MKRN2: variants seen among roughly 807,000 people sequenced by gnomAD.
MKRN2 encodes the protein E3 ubiquitin-protein ligase makorin-2.
A neutral mutation model predicts 45.4 loss-of-function variants in MKRN2; 32 were observed. The ratio of observed to expected loss-of-function variants is 0.70; its 90% confidence interval spans 0.53 to 0.95. The LOEUF is 0.95. MKRN2 is among the 40% of genes least tolerant of loss of function. The pLI, the probability that MKRN2 is intolerant of heterozygous loss-of-function variation, is 0.00. For missense variants in MKRN2, 526 were observed against 536.7 expected (o/e 0.98, Z 0.20); for synonymous variants, 206 against 192.4 (o/e 1.07, Z -0.59).
chr3:12,575,627 T>C (rs184833205), intron 5 of MKRN2, among the ~76,000 whole-genome samples: 32 of 152,226 alleles, frequency 2.1e-4, no homozygotes, highest in Admixed American at 4.6e-4. Context: ...AGGCCTGGGG[T>C]GCGGGGGTCA....
chr3:12,580,448 AC>A (rs1553609012), intron 6 of MKRN2, among the ~76,000 whole-genome samples: 10 of 57,182 alleles, frequency 1.7e-4, no homozygotes, highest in African/African-American at 5.5e-4. Context: ...CCCCCACCCT[AC>A]CCCCCCGCCA....
chr3:12,583,640 T>C lies in MKRN2; in HGVS notation c.*1387T>C. On this transcript the variant is annotated 3_prime_UTR_variant, in exon 8 of 8. Transcript: ENST00000170447. ...AATTTATTTTATTAAAATAACATAA[T>C]TGAGGGACCATCAGATAACTGTATT... The C allele has an allele frequency of 4.3e-6, 1 of 232,864 alleles. No individual in the cohort carries two copies. The highest frequency in any genetic ancestry group is 6.1e-5 in the East Asian group (1 of 16,514). 14.4% of individuals were successfully genotyped at this position (232,864 alleles called of 1,614,324 possible).
intron 4 of MKRN2, 123 bp downstream of exon 4, chr3:12,572,496 T>C (rs901628770): frequency 1.3e-4 from 116 of 887,562 alleles, no homozygotes; most frequent in Non-Finnish European, 1.5e-4. Context: ...GAATTGTTGG[T>C]ATTTCCACAG....
chr3:12,569,230 C>G (rs1382476359), intron 2 of MKRN2, among the ~76,000 whole-genome samples: 2 of 133,896 alleles, frequency 1.5e-5, no homozygotes, highest in Non-Finnish European at 3.1e-5. Context: ...GGTGCGATCT[C>G]AGTTCTCTGC....
intron 1 of MKRN2, among the ~76,000 whole-genome samples, chr3:12,566,015 G>A (rs1031276374): frequency 2.0e-5 from 3 of 151,852 alleles, no homozygotes; most frequent in Non-Finnish European, 4.4e-5. Flanking sequence ...CATCATGCAC[G>A]GCTGATTTTT....
At chr3:12,565,441 A>G (rs1437992455) in intron 1 of MKRN2, among the ~76,000 whole-genome samples, 4 of 150,886 alleles carry the variant, frequency 2.7e-5, no homozygotes, top group African/African-American at 4.9e-5. Flanking sequence ...TTTGGGTCAT[A>G]TCAGCAGGTA....
chr3:12,570,246 G>A lies in MKRN2; in HGVS notation c.331G>A (p.Asp111Asn). 2 of 1,613,230 alleles carry A rather than the reference G, an allele frequency of 1.2e-6. No individual in the cohort carries two copies. The highest frequency in any genetic ancestry group is 1.7e-6 in the Non-Finnish European group (2 of 1,179,528). ...KREKRTLVLRDRNLSGMAERK... is the reference protein window; with the variant it reads ...KREKRTLVLRNRNLSGMAERK... The stretch of plus-strand genomic sequence containing the variant: ...TGAAAAGAGAACATTGGTTCTTAGA[G>A]ACCGAAGTGAGTAAGCGGAAGCCTT... The change falls in exon 3 of 8, where the codon GAC becomes AAC. Residue 111 changes from aspartate (D) to asparagine (N), a missense_variant. Transcript: ENST00000170447.
chr3:12,564,324 TC>T (rs1401188008), intron 1 of MKRN2, among the ~76,000 whole-genome samples: 1 of 152,200 alleles, frequency 6.6e-6, no homozygotes, highest in Non-Finnish European at 1.5e-5. Flanking sequence ...TTAAGGAACT[TC>T]CGTACTGTTT....
At position 12,572,372 on chromosome 3, in the gene MKRN2, A is replaced by C; in HGVS notation, c.641A>C (p.Lys214Thr). The C allele has an allele frequency of 6.4e-7, 1 of 1,553,184 alleles. No homozygotes were observed. Among genetic ancestry groups the C allele is most frequent in the Admixed American group, 1.9e-5 (1 of 52,096 alleles). ...CCAGAGCAGAGGAAGGCTCATGAAA[A>C]GGTAAAGTCACAAACCTTTGCATGA... is the stretch of plus-strand genomic sequence containing the variant. The part of the protein sequence containing the change: ...FDPEQRKAHE[K>T]ICMLTFEHEM... Residue 214 changes from lysine to threonine, a missense_variant and splice_region_variant, in exon 4 of 8, where the codon AAG (lysine) becomes ACG (threonine). By Grantham distance (78) the Lys-to-Thr change is moderately conservative. Coordinates refer to ENST00000170447, the MANE Select transcript of MKRN2 (RefSeq NM_014160.5).
Position 12,570,225 on chromosome 3 carries a change from A to G in MKRN2, c.310A>G (p.Lys104Glu). The change falls in exon 3 of 8, where the codon AAG becomes GAG. Residue 104 changes from lysine to glutamate, a missense_variant. By Grantham distance (56) the Lys-to-Glu change is moderately conservative. Transcript: ENST00000170447. ...TNSHEPGKREKRTLVLRDRNL... is the reference protein window; with the variant it reads ...TNSHEPGKREERTLVLRDRNL... Reference sequence around the variant, plus strand: ...CTCACATGAACCCGGAAAGCGTGAAAAGAGAACATTGGTTCTTAGAGACCG... The same window carrying G: ...CTCACATGAACCCGGAAAGCGTGAAGAGAGAACATTGGTTCTTAGAGACCG... 1.2e-6 allele frequency: 2 copies of G among 1,614,132 alleles called. No individual in the cohort carries two copies. Among genetic ancestry groups the G allele is most frequent in the Non-Finnish European group, 8.5e-7 (1 of 1,180,002 alleles).
At chr3:12,569,083 G>A in intron 2 of MKRN2, 80 bp downstream of exon 2, 4 of 1,476,756 alleles carry the variant, frequency 2.7e-6, no homozygotes, top group East Asian at 2.4e-5. Flanking sequence ...AAATTTTAAT[G>A]TAAAAGTAAT....
chr3:12,572,528 C>A (rs566262352), intron 4 of MKRN2, among the ~76,000 whole-genome samples, 155 bp downstream of exon 4: 1 of 152,130 alleles, frequency 6.6e-6, no homozygotes, highest in East Asian at 1.9e-4. Flanking sequence ...CCAGTAATAC[C>A]CATATTATGT....
intron 5 of MKRN2, among the ~76,000 whole-genome samples, 179 bp downstream of exon 5, chr3:12,575,185 A>G (rs1162341178): frequency 6.6e-6 from 1 of 152,130 alleles, no homozygotes; most frequent in African/African-American, 2.4e-5. Flanking sequence ...TGTTCCTATA[A>G]AAGATGGGCA....
At chr3:12,561,278 G>A (rs1021122490) in intron 1 of MKRN2, among the ~76,000 whole-genome samples, 1 of 152,202 alleles carries the variant, frequency 6.6e-6, no homozygotes, top group African/African-American at 2.4e-5. Flanking sequence ...TAGTGGAAGA[G>A]ATAATTAGTG....
At chr3:12,579,611 C>G (rs1341986476) in intron 6 of MKRN2, among the ~76,000 whole-genome samples, 1 of 152,196 alleles carries the variant, frequency 6.6e-6, no homozygotes, top group Admixed American at 6.5e-5. Flanking sequence ...GCATGGGAGC[C>G]TGAACCATGA....
Position 12,559,127 on chromosome 3 carries a change from A to G in MKRN2, c.26+1951A>G, listed in dbSNP as rs1162669262. Reference sequence around the variant, plus strand: ...TCATACAAGGATATGTAAAACTGCAAAGAAGTTTACTCACAAAAGGGTGTA... The same window carrying G: ...TCATACAAGGATATGTAAAACTGCAGAGAAGTTTACTCACAAAAGGGTGTA... On this transcript the variant is annotated intron_variant, in intron 1 of 7. Coordinates refer to ENST00000170447, the MANE Select transcript of MKRN2 (RefSeq NM_014160.5). Among the ~76,000 whole-genome samples, 3 of 152,224 alleles carry G rather than the reference A, an allele frequency of 2.0e-5. No individual in the cohort carries two copies. The East Asian group carries it at 5.8e-4, about 29-fold the overall frequency.
chr3:12,577,736 C>T (rs142931397), intron 6 of MKRN2, among the ~76,000 whole-genome samples: 1 of 151,828 alleles, frequency 6.6e-6, no homozygotes, highest in African/African-American at 2.4e-5. Flanking sequence ...AGTGCAGTGG[C>T]ACAATCTCGG....
chr3:12,557,464 A>G (rs2255648), intron 1 of MKRN2, among the ~76,000 whole-genome samples: 84,840 of 152,216 alleles, frequency 0.56, 25,962 homozygotes, highest in African/African-American at 0.81. Context: ...AGGGCCGTGC[A>G]GGATGCCGGG....
At chr3:12,562,557 T>G (rs1018030622) in intron 1 of MKRN2, among the ~76,000 whole-genome samples, 1 of 152,206 alleles carries the variant, frequency 6.6e-6, no homozygotes, top group African/African-American at 2.4e-5. Context: ...ATGTCTGATC[T>G]AGTGCAGTGG....
Sources: gnomAD v4.1 joint callset for allele counts (sites outside exome capture counted in the v4.1 genomes callset) on GRCh38, gnomAD v4.1.1 for gene constraint, MANE v1.5 for transcripts, NCBI Gene and HGNC (gene_info 2026-07-23, HGNC 2026-07-21) for gene names.